The following MINDY2 variants were observed in gnomAD, a reference collection of about 807,000 sequenced individuals.
MINDY2 encodes MINDY lysine 48 deubiquitinase 2, also known as ubiquitin carboxyl-terminal hydrolase MINDY-2.
In MINDY2, 52 loss-of-function variants were observed where a neutral mutation model predicts 68.2. The ratio of observed to expected loss-of-function variants is 0.76; its 90% confidence interval spans 0.61 to 0.96. MINDY2 has a LOEUF of 0.96. MINDY2 is among the 40% of genes least tolerant of loss of function. MINDY2 has a pLI of 0.00. For missense variants in MINDY2, 881 were observed against 773.4 expected (o/e 1.14, Z -1.65); for synonymous variants, 372 against 303.0 (o/e 1.23, Z -2.36).
At chr15:58,834,003 C>T (rs57783587) in intron 6 of MINDY2, among the ~76,000 whole-genome samples, 4,963 of 152,058 alleles carry the variant, frequency 0.033, 288 homozygotes, top group African/African-American at 0.11. Context: ...TGCAGCCTTC[C>T]GCAGTGTTTT....
rs369645565 is a variant in MINDY2, at chr15:58,831,015, T to TTG, written c.1226-733_1226-732dup. ...GATCGATTGTGTATATGAAGATCAG[T>TTG]TGTGTGTGTGTGTGTGTGTGTGTGT... On this transcript the variant is annotated intron_variant, in intron 5 of 8. Coordinates refer to ENST00000559228, the MANE Select transcript of MINDY2 (RefSeq NM_001040450.3). 7.2e-3 allele frequency among the ~76,000 whole-genome samples: 964 copies of TTG among 133,676 alleles called. 15 individuals are homozygous for TTG. Among genetic ancestry groups the TTG allele is most frequent in the African/African-American group, 9.7e-3 (316 of 32,658 alleles). The allele number at this position is 133,676 out of a possible 152,430, so 87.7% of individuals were successfully genotyped here.
chr15:58,776,732 G>T (rs554944382), intron 1 of MINDY2, among the ~76,000 whole-genome samples: 9 of 152,238 alleles, frequency 5.9e-5, no homozygotes, highest in Non-Finnish European at 7.4e-5. Context: ...CGTTAAGATA[G>T]AGAGGTAGGC....
Position 58,817,040 on chromosome 15 carries a change from T to C in MINDY2, c.1123-4677T>C, listed in dbSNP as rs1371595101. On this transcript the variant is annotated intron_variant, in intron 4 of 8. Transcript: ENST00000559228. ...AAAGTTTGAAACTATGTTCCTGATA[T>C]TATGACATCACTGTACGGAGGGATT... 2.0e-5 allele frequency among the ~76,000 whole-genome samples: 3 copies of C among 152,304 alleles called. No individual in the cohort carries two copies. The East Asian group carries it at 5.8e-4, about 29-fold the overall frequency.
intron 1 of MINDY2, among the ~76,000 whole-genome samples, chr15:58,774,851 A>G (rs893857841): frequency 6.6e-6 from 1 of 152,234 alleles, no homozygotes; most frequent in African/African-American, 2.4e-5. Context: ...TGGTAATAGC[A>G]GGACATAAAA....
At chr15:58,799,217 G>T (rs1902475242) in intron 2 of MINDY2, among the ~76,000 whole-genome samples, 1 of 152,182 alleles carries the variant, frequency 6.6e-6, no homozygotes. Context: ...AAGCTATTTA[G>T]ATGTTCTGTT....
At chr15:58,781,176 A>G (rs1901117417) in intron 1 of MINDY2, among the ~76,000 whole-genome samples, 1 of 152,038 alleles carries the variant, frequency 6.6e-6, no homozygotes, top group Non-Finnish European at 1.5e-5. Flanking sequence ...CAGCATCCCA[A>G]GTACCTGAGA....
rs2033103322 is a variant in MINDY2, at chr15:58,857,592, C to G, written c.*2982C>G. The stretch of plus-strand genomic sequence containing the variant: ...GTGTCTTTATTTTCTTAAATTTTGC[C>G]CAAGGTAACGTTATATATCCCACCA... On this transcript the variant is annotated 3_prime_UTR_variant, in exon 9 of 9. Coordinates refer to ENST00000559228, the MANE Select transcript of MINDY2 (RefSeq NM_001040450.3). 6.7e-6 allele frequency: 1 copy of G among 149,754 alleles called. No homozygotes were observed. Among genetic ancestry groups the G allele is most frequent in the Non-Finnish European group, 1.5e-5 (1 of 67,522 alleles). The allele number at this position is 149,754 out of a possible 1,614,324, so 9.3% of individuals were successfully genotyped here.
At chr15:58,842,379 G>A (rs926513133) in intron 6 of MINDY2, among the ~76,000 whole-genome samples, 3 of 152,052 alleles carry the variant, frequency 2.0e-5, no homozygotes, top group African/African-American at 7.2e-5. Flanking sequence ...TACAGTTCTG[G>A]ATAAATACTA....
chr15:58,819,177 G>A (rs1239279778), intron 4 of MINDY2, among the ~76,000 whole-genome samples: 3 of 152,124 alleles, frequency 2.0e-5, no homozygotes, highest in Non-Finnish European at 4.4e-5. Context: ...GGCCTTGCAT[G>A]GTGGCTAACG....
intron 2 of MINDY2, among the ~76,000 whole-genome samples, chr15:58,797,353 A>T (rs1902350149): frequency 6.6e-6 from 1 of 152,100 alleles, no homozygotes; most frequent in Non-Finnish European, 1.5e-5. Context: ...CAAAAAATTT[A>T]AAAAATTAGC....
chr15:58,775,331 T>G (rs1474005197), intron 1 of MINDY2, among the ~76,000 whole-genome samples: 1 of 152,096 alleles, frequency 6.6e-6, no homozygotes, highest in African/African-American at 2.4e-5. Flanking sequence ...AACAAAAAGT[T>G]TGAGAAATGC....
At chr15:58,815,070 A>T (rs1355926843) in intron 4 of MINDY2, among the ~76,000 whole-genome samples, 2 of 152,146 alleles carry the variant, frequency 1.3e-5, no homozygotes, top group Non-Finnish European at 2.9e-5. Context: ...AGAGTTTTAT[A>T]GTTTTAGCAC....
intron 7 of MINDY2, 110 bp from the exon 8 acceptor site, chr15:58,851,661 A>AT (rs1217455249): frequency 7.8e-6 from 7 of 892,754 alleles, no homozygotes; most frequent in South Asian, 2.0e-5. Context: ...GGCCTGGTGT[A>AT]TTTTTTAATA....
intron 4 of MINDY2, among the ~76,000 whole-genome samples, chr15:58,818,906 G>A (rs1196180118): frequency 6.6e-6 from 1 of 152,112 alleles, no homozygotes; most frequent in Non-Finnish European, 1.5e-5. Context: ...TTCCCAAAGT[G>A]CTGGGATTAC....
chr15:58,810,412 G>C, intron 4 of MINDY2, 24 bp downstream of exon 4: 1 of 1,529,236 alleles, frequency 6.5e-7, no homozygotes, highest in East Asian at 2.4e-5. Context: ...TTTAAATTAT[G>C]TAAACACAAA....
At position 58,856,827 on chromosome 15, in the gene MINDY2, A is replaced by AT. The variant is rs1293784419; in HGVS notation, c.*2223dup. On this transcript the variant is annotated 3_prime_UTR_variant, in exon 9 of 9. Transcript: ENST00000559228. ...ATTTTAAAAAGCATAGTTGAGGCAT[A>AT]TTTTTTCATAATTATATACTTATCT... 6.6e-6 allele frequency: 1 copy of AT among 152,182 alleles called. No homozygotes were observed. The highest frequency in any genetic ancestry group is 1.5e-5 in the Non-Finnish European group (1 of 68,032). 9.4% of individuals were successfully genotyped at this position (152,182 alleles called of 1,614,324 possible).
At chr15:58,846,508 G>T (rs930723099) in intron 6 of MINDY2, among the ~76,000 whole-genome samples, 1 of 150,262 alleles carries the variant, frequency 6.7e-6, no homozygotes, top group Non-Finnish European at 1.5e-5. Context: ...CAGGAGAATC[G>T]CTTGAACCCA....
intron 3 of MINDY2, among the ~76,000 whole-genome samples, chr15:58,809,669 AC>A (rs1255175684): frequency 6.6e-6 from 1 of 152,174 alleles, no homozygotes; most frequent in Non-Finnish European, 1.5e-5. Context: ...ATTACTCTCT[AC>A]AACTCCATCT....
chr15:58,853,573 C>A (rs1223874910), intron 8 of MINDY2, among the ~76,000 whole-genome samples: 9 of 152,036 alleles, frequency 5.9e-5, no homozygotes, highest in Admixed American at 5.9e-4. Context: ...ATAATCCCAG[C>A]ACTTTGGGAG....
Sources: gnomAD v4.1 joint callset for allele counts (sites outside exome capture counted in the v4.1 genomes callset) on GRCh38, gnomAD v4.1.1 for gene constraint, MANE v1.5 for transcripts, NCBI Gene and HGNC (gene_info 2026-07-23, HGNC 2026-07-21) for gene names.